The following PPP3CC variants were observed in gnomAD, a reference collection of about 807,000 sequenced individuals.
The protein encoded by PPP3CC is protein phosphatase 3 catalytic subunit gamma.
A neutral mutation model predicts 60.3 loss-of-function variants in PPP3CC; 35 were observed. The observed-to-expected ratio is 0.58, with a 90% CI of 0.44 to 0.77. PPP3CC has a LOEUF of 0.77. PPP3CC is among the 30% of genes least tolerant of loss of function. PPP3CC has a pLI of 0.00. For synonymous variants in PPP3CC, 206 were observed against 224.3 expected (o/e 0.92, Z 0.73); for missense variants, 570 against 628.9 (o/e 0.91, Z 1.00).
chr8:22,458,651 AATAT>A (rs1255982355), intron 1 of PPP3CC, among the ~76,000 whole-genome samples: 1 of 151,460 alleles, frequency 6.6e-6, no homozygotes, highest in Non-Finnish European at 1.5e-5. Flanking sequence ...GTAAAATAAA[AATAT>A]ATATATATCA....
rs373500738 is a variant in PPP3CC, at chr8:22,532,433, A to G, written c.1223+127A>G. 7.0e-5 allele frequency: 51 copies of G among 732,196 alleles called. No individual in the cohort carries two copies. The African/African-American group carries it at 8.7e-4, about 13-fold the overall frequency. The allele number at this position is 732,196 out of a possible 1,614,324, so 45.4% of individuals were successfully genotyped here. ...ACTGCAGGTCTTTAGGTTGAGTGCA[A>G]ATTCAATGAACATGTTTAAGCGACT... On this transcript the variant is annotated intron_variant, in intron 11 of 13. Coordinates refer to ENST00000240139, the MANE Select transcript of PPP3CC (RefSeq NM_005605.5).
Position 22,522,642 on chromosome 8 carries a change from A to G in PPP3CC, c.849-13A>G, listed in dbSNP as rs184582188. The G allele has an allele frequency of 4.4e-4, 697 of 1,595,700 alleles. No individual in the cohort carries two copies. Among genetic ancestry groups the G allele is most frequent in the Non-Finnish European group, 5.7e-4 (661 of 1,165,844 alleles). Reference sequence around the variant, plus strand: ...TTAATATGCAGACAGATGGACTTTCATCTCTTTTTCAGGTATCGAATGTAC... The same window carrying G: ...TTAATATGCAGACAGATGGACTTTCGTCTCTTTTTCAGGTATCGAATGTAC... On this transcript the variant is annotated splice_polypyrimidine_tract_variant and intron_variant, in intron 7 of 13. Transcript: ENST00000240139.
chr8:22,523,018 TA>T (rs1839449365), intron 8 of PPP3CC, among the ~76,000 whole-genome samples: 1 of 152,210 alleles, frequency 6.6e-6, no homozygotes, highest in Non-Finnish European at 1.5e-5. Context: ...ATAAGAAGAA[TA>T]AATTGCTTCA....
At chr8:22,458,305 T>C (rs1837268057) in intron 1 of PPP3CC, among the ~76,000 whole-genome samples, 1 of 151,922 alleles carries the variant, frequency 6.6e-6, no homozygotes, top group Admixed American at 6.6e-5. Context: ...ACTTCACTAT[T>C]AACAAATATC....
intron 1 of PPP3CC, among the ~76,000 whole-genome samples, chr8:22,452,765 A>C (rs760746769): frequency 6.6e-6 from 1 of 152,228 alleles, no homozygotes. Flanking sequence ...TGGCAAGCAC[A>C]TAGTGAGTAC....
At chr8:22,501,629 C>A (rs372147499) in intron 4 of PPP3CC, among the ~76,000 whole-genome samples, 10 of 152,290 alleles carry the variant, frequency 6.6e-5, no homozygotes, top group Admixed American at 5.2e-4. Context: ...TGAATGTTTG[C>A]TTTTTTCCAG....
In PPP3CC at chr8:22,474,943, T is replaced by G. The variant is rs775717455; in HGVS notation, c.50-11T>G. 6 of 1,457,960 alleles carry G rather than the reference T, an allele frequency of 4.1e-6. No homozygotes were observed. Among genetic ancestry groups the G allele is most frequent in the Non-Finnish European group, 5.5e-6 (6 of 1,089,240 alleles). The allele number at this position is 1,457,960 out of a possible 1,614,324, so 90.3% of individuals were successfully genotyped here. Reference sequence around the variant, plus strand: ...TAAATATTTTAAATTATTATTATTATTTTTTTGTAGCTGTCCCCTTTCCTC... The same window carrying G: ...TAAATATTTTAAATTATTATTATTAGTTTTTTGTAGCTGTCCCCTTTCCTC... On this transcript the variant is annotated splice_polypyrimidine_tract_variant and intron_variant, in intron 1 of 13. Transcript: ENST00000240139.
chr8:22,534,294 C>T (rs919473158), intron 12 of PPP3CC, among the ~76,000 whole-genome samples: 3 of 151,316 alleles, frequency 2.0e-5, no homozygotes, highest in Admixed American at 6.6e-5. Context: ...TGGTGACTTA[C>T]ACCTGTTATC....
chr8:22,470,761 T>G (rs184189404), intron 1 of PPP3CC, among the ~76,000 whole-genome samples: 38 of 152,290 alleles, frequency 2.5e-4, no homozygotes, highest in African/African-American at 8.9e-4. Flanking sequence ...ATGAGCAATA[T>G]TGAGTGTTGA....
At chr8:22,484,894 G>A (rs1159212158) in intron 3 of PPP3CC, among the ~76,000 whole-genome samples, 2 of 152,192 alleles carry the variant, frequency 1.3e-5, no homozygotes, top group Admixed American at 6.5e-5. Flanking sequence ...GAGGCAGAGC[G>A]GGAGGGGAAA....
At chr8:22,461,004 C>T (rs1308867463) in intron 1 of PPP3CC, among the ~76,000 whole-genome samples, 1 of 151,988 alleles carries the variant, frequency 6.6e-6, no homozygotes, top group African/African-American at 2.4e-5. Flanking sequence ...TACCACCATG[C>T]CCGGCTAATT....
intron 3 of PPP3CC, among the ~76,000 whole-genome samples, chr8:22,477,349 C>T (rs537172060): frequency 1.3e-5 from 2 of 151,884 alleles, no homozygotes; most frequent in Admixed American, 6.6e-5. Context: ...TGGTGGTGGG[C>T]GCCTGTAATC....
In PPP3CC at chr8:22,475,617, G is replaced by T; in HGVS notation, c.365G>T (p.Ser122Ile). 1 of 1,611,380 alleles carries T rather than the reference G, an allele frequency of 6.2e-7. No individual in the cohort carries two copies. Among genetic ancestry groups the T allele is most frequent in the Non-Finnish European group, 8.5e-7 (1 of 1,178,762 alleles). The change falls in exon 3 of 14, where the codon AGT becomes ATT. Residue 122 changes from serine (S) to isoleucine (I), a missense_variant. Physicochemically the swap from Ser to Ile is moderately radical, Grantham distance 142. Coordinates refer to ENST00000240139, the MANE Select transcript of PPP3CC (RefSeq NM_005605.5). ...GACTATGTGGACAGAGGCTATTTCAGTATAGAGGTAAAAATTAAACTGGAT... is the reference window on the plus strand; with the variant it reads ...GACTATGTGGACAGAGGCTATTTCATTATAGAGGTAAAAATTAAACTGGAT... ...LGDYVDRGYF[S>I]IECVLYLWSL... is the part of the protein sequence containing the mutation.
intron 1 of PPP3CC, among the ~76,000 whole-genome samples, chr8:22,472,138 T>A (rs1297105377): frequency 1.3e-5 from 2 of 150,868 alleles, no homozygotes; most frequent in African/African-American, 5.0e-5. Flanking sequence ...CAAAAACAAA[T>A]TTTTTTTCTT....
At chr8:22,523,812 A>C (rs1839471335) in intron 8 of PPP3CC, 1 of 244,446 alleles carries the variant, frequency 4.1e-6, no homozygotes, top group Admixed American at 4.8e-5. Flanking sequence ...TATGATTATA[A>C]GGTAATGAGA....
rs1020359373 is a variant in PPP3CC, at chr8:22,522,537, A to G, written c.817A>G (p.Ile273Val). The G allele has an allele frequency of 5.0e-6, 8 of 1,612,578 alleles. No homozygotes were observed. Among genetic ancestry groups the G allele is most frequent in the Admixed American group, 3.3e-5 (2 of 59,836 alleles). ...EFLQNNNLLS[I>V]IRAHEAQDAG... ...TTTGCAGAACAATAATTTACTATCA[A>G]TTATCAGAGCCCATGAAGCCCAAGA... Residue 273 changes from isoleucine (I) to valine (V), a missense_variant, in exon 7 of 14, where the codon ATT (isoleucine) becomes GTT (valine). By Grantham distance (29) the Ile-to-Val change is conservative. Transcript: ENST00000240139.
intron 4 of PPP3CC, among the ~76,000 whole-genome samples, chr8:22,500,070 T>C (rs1339095339): frequency 6.6e-6 from 1 of 152,190 alleles, no homozygotes; most frequent in Admixed American, 6.5e-5. Context: ...GATTTGTATG[T>C]TTAGAACACA....
At chr8:22,512,874 C>G (rs1005428549) in intron 5 of PPP3CC, among the ~76,000 whole-genome samples, 1 of 151,974 alleles carries the variant, frequency 6.6e-6, no homozygotes, top group African/African-American at 2.4e-5. Context: ...GTCAGGAGTT[C>G]GAGACCAGCC....
At chr8:22,459,990 G>A (rs1837319723) in intron 1 of PPP3CC, among the ~76,000 whole-genome samples, 1 of 152,036 alleles carries the variant, frequency 6.6e-6, no homozygotes, top group Admixed American at 6.6e-5. Context: ...CTGCATTAGT[G>A]GAGTTTACTA....
Sources: gnomAD v4.1 joint callset for allele counts (sites outside exome capture counted in the v4.1 genomes callset) on GRCh38, gnomAD v4.1.1 for gene constraint, MANE v1.5 for transcripts, NCBI Gene and HGNC (gene_info 2026-07-23, HGNC 2026-07-21) for gene names.